Variants in PRKN observed in about 807,000 individuals in gnomAD.
PRKN encodes the protein parkin RBR E3 ubiquitin protein ligase.
A neutral mutation model predicts 59.5 loss-of-function variants in PRKN; 56 were observed. The observed-to-expected ratio is 0.94, with a 90% CI of 0.76 to 1.18. The LOEUF (loss-of-function observed/expected upper bound fraction) is 1.18, where lower values mean the gene tolerates loss of function less well. Ranked by LOEUF, PRKN falls within the 50% of genes most tolerant of loss-of-function variation. The probability of loss-of-function intolerance (pLI) is 0.00; values close to 1 mark genes in which losing one functional copy is unlikely to be tolerated. For missense variants in PRKN, 657 were observed against 596.4 expected (o/e 1.10, Z -1.06); for synonymous variants, 250 against 222.1 (o/e 1.13, Z -1.12).
At chr6:161,994,672 C>T (rs748609104) in intron 5 of PRKN, among the ~76,000 whole-genome samples, 15 of 151,332 alleles carry the variant, frequency 9.9e-5, no homozygotes, top group Non-Finnish European at 1.8e-4. Flanking sequence ...ATACCAATAA[C>T]AAACTAATTG....
rs756468144 is a variant in PRKN, at chr6:161,475,237, A to G, written c.1083+73617T>C. On this transcript the variant is annotated intron_variant, in intron 9 of 11. Coordinates refer to ENST00000366898, the MANE Select transcript of PRKN (RefSeq NM_004562.3). The surrounding 1 kb of genome is among the most constrained non-coding windows in gnomAD (Gnocchi z 5.3). Reference sequence around the variant, plus strand: ...GATTGCATGTGATCGCTGCTGTCCTATCAACTGGTGTGATGGAGCTGCCAA... The same window carrying G: ...GATTGCATGTGATCGCTGCTGTCCTGTCAACTGGTGTGATGGAGCTGCCAA... Among the ~76,000 whole-genome samples the G allele has an allele frequency of 2.6e-4, 39 of 152,156 alleles. No individual in the cohort carries two copies. Among genetic ancestry groups the G allele is most frequent in the Non-Finnish European group, 4.4e-4 (30 of 68,030 alleles).
chr6:162,081,814 T>A (rs150829885), intron 4 of PRKN, among the ~76,000 whole-genome samples: 26 of 152,184 alleles, frequency 1.7e-4, no homozygotes, highest in African/African-American at 6.0e-4. Context: ...AATAGACGGC[T>A]GTGTCATCTA....
chr6:161,377,319 G>A lies in PRKN; in HGVS notation c.1167+9475C>T, dbSNP rs1255944129. Among the ~76,000 whole-genome samples the A allele has an allele frequency of 6.6e-6, 1 of 152,248 alleles. No individual in the cohort carries two copies. The highest frequency in any genetic ancestry group is 1.5e-5 in the Non-Finnish European group (1 of 68,038). On this transcript the variant is annotated intron_variant, in intron 10 of 11. Coordinates refer to ENST00000366898, the MANE Select transcript of PRKN (RefSeq NM_004562.3). The surrounding 1 kb of genome is among the most constrained non-coding windows in gnomAD (Gnocchi z 4.2). ...CAGGCCCACGGGGCGTGAGCGAGCT[G>A]CACAAGCAGGTCCTCAGACCCCCGT...
intron 1 of PRKN, among the ~76,000 whole-genome samples, chr6:162,569,992 G>A (rs1232713592): frequency 1.3e-5 from 2 of 152,142 alleles, no homozygotes; most frequent in African/African-American, 4.8e-5. Flanking sequence ...CACAGTAAAA[G>A]GATACAATCA....
chr6:162,502,168 C>T (rs1323774860), intron 1 of PRKN, among the ~76,000 whole-genome samples: 4 of 152,022 alleles, frequency 2.6e-5, no homozygotes, highest in East Asian at 1.9e-4. Context: ...GCATCCCACG[C>T]CCCTCTTTTT....
chr6:162,719,273 A>G (rs1010293428), intron 1 of PRKN, among the ~76,000 whole-genome samples: 1 of 152,164 alleles, frequency 6.6e-6, no homozygotes, highest in African/African-American at 2.4e-5. Context: ...TGCAGTCTAC[A>G]TTTGTCTGTG....
At chr6:162,459,933 C>T (rs920326798) in intron 1 of PRKN, among the ~76,000 whole-genome samples, 5 of 152,130 alleles carry the variant, frequency 3.3e-5, no homozygotes, top group East Asian at 3.9e-4. Context: ...AAAATGCTAC[C>T]GCCACTTTGG....
intron 6 of PRKN, among the ~76,000 whole-genome samples, chr6:161,849,006 G>A (rs1364261932): frequency 6.6e-6 from 1 of 152,166 alleles, no homozygotes; most frequent in African/African-American, 2.4e-5. Flanking sequence ...AGTTCCCAAA[G>A]GAAAATGACT....
At chr6:162,385,712 T>C (rs1167237343) in intron 2 of PRKN, among the ~76,000 whole-genome samples, 3 of 152,096 alleles carry the variant, frequency 2.0e-5, no homozygotes, top group Admixed American at 1.3e-4. Flanking sequence ...GGAAAGTTTA[T>C]TACCTTCATT....
intron 1 of PRKN, among the ~76,000 whole-genome samples, chr6:162,612,725 TAC>T (rs1055804644): frequency 6.6e-6 from 1 of 151,956 alleles, no homozygotes; most frequent in African/African-American, 2.4e-5. Flanking sequence ...ATAAAATGGT[TAC>T]AGTGTCCCCA....
intron 7 of PRKN, among the ~76,000 whole-genome samples, chr6:161,641,682 T>C (rs116351093): frequency 3.9e-4 from 60 of 152,322 alleles, no homozygotes; most frequent in Non-Finnish European, 6.0e-4. Context: ...GGAGAACCCA[T>C]TGGGCAGTAT....
intron 2 of PRKN, among the ~76,000 whole-genome samples, chr6:162,359,335 A>C (rs1785029570): frequency 6.6e-6 from 1 of 151,890 alleles, no homozygotes; most frequent in African/African-American, 2.4e-5. Flanking sequence ...GAGAAAGTTG[A>C]GTTTTGAGAG....
intron 2 of PRKN, among the ~76,000 whole-genome samples, chr6:162,340,543 TG>T (rs1329980759): frequency 2.0e-5 from 3 of 152,094 alleles, no homozygotes; most frequent in African/African-American, 4.8e-5. Context: ...AAAAATCTCC[TG>T]GTGTCAAAAC....
chr6:161,956,482 A>G (rs186499922), intron 6 of PRKN, among the ~76,000 whole-genome samples: 363 of 152,346 alleles, frequency 2.4e-3, no homozygotes, highest in Non-Finnish European at 3.7e-3. Flanking sequence ...CAAATGGACA[A>G]GAAGCAAGTG....
chr6:162,367,619 ATTTCACAGC>A (rs1370044854), intron 2 of PRKN, among the ~76,000 whole-genome samples: 1 of 152,144 alleles, frequency 6.6e-6, no homozygotes. Context: ...AGTATAAATT[ATTTCACAGC>A]TCTTTTCAGG....
intron 6 of PRKN, among the ~76,000 whole-genome samples, chr6:161,797,383 C>T (rs1428356978): frequency 6.6e-6 from 1 of 152,144 alleles, no homozygotes. Flanking sequence ...TCTTGTGCCT[C>T]AGCCCCCTAC....
chr6:162,124,745 A>G (rs547639260), intron 4 of PRKN, among the ~76,000 whole-genome samples: 1 of 152,300 alleles, frequency 6.6e-6, no homozygotes, highest in Admixed American at 6.5e-5. Flanking sequence ...AGATAAGTCT[A>G]TTTCACTCTG....
Position 161,473,730 on chromosome 6 carries a change from C to T in PRKN, c.1083+75124G>A, listed in dbSNP as rs116077138. 1.9e-3 allele frequency among the ~76,000 whole-genome samples: 291 copies of T among 151,966 alleles called. 1 individual carries two copies. Among genetic ancestry groups the T allele is most frequent in the African/African-American group, 2.2e-3 (90 of 41,416 alleles). Reference sequence around the variant, plus strand: ...AGATTTTAGGTGCTATTACTGTATACGTATGAAAAAAGTAACCATGAAGAT... The same window carrying T: ...AGATTTTAGGTGCTATTACTGTATATGTATGAAAAAAGTAACCATGAAGAT... On this transcript the variant is annotated intron_variant, in intron 9 of 11. Transcript: ENST00000366898. This position sits in a 1 kb window ranked among gnomAD's most constrained non-coding sequence, Gnocchi z 4.1.
rs74379179 is a variant in PRKN, at chr6:161,761,149, C to G, written c.871+24623G>C. Among the ~76,000 whole-genome samples, 228 of 152,300 alleles carry G rather than the reference C, an allele frequency of 1.5e-3. 6 individuals carry two copies. In the East Asian group the frequency reaches 0.042, roughly 28 times the overall value. On this transcript the variant is annotated intron_variant, in intron 7 of 11. Transcript: ENST00000366898. ...CCAGTTAATAAGTGACATGGTGAAC[C>G]ATTGTGTTGCAACAAAACATAGTAG...
Sources: allele counts gnomAD v4.1 joint callset (sites outside exome capture counted in the v4.1 genomes callset), GRCh38; gene constraint gnomAD v4.1.1; non-coding constraint Gnocchi (gnomAD v3.1); transcripts MANE v1.5; gene names NCBI Gene and HGNC (gene_info 2026-07-23, HGNC 2026-07-21).